The following BLOC1S3 variants were observed in gnomAD, a reference collection of about 807,000 sequenced individuals.
BLOC1S3 encodes biogenesis of lysosomal organelles complex 1 subunit 3.
Under a neutral mutation model 9.1 loss-of-function variants are expected in BLOC1S3, and 7 were observed. The observed-to-expected ratio is 0.77, with a 90% CI of 0.44 to 1.45. The LOEUF (loss-of-function observed/expected upper bound fraction) is 1.45, where lower values mean the gene tolerates loss of function less well. Among genes scored for constraint, BLOC1S3 ranks in the 40% most tolerant of loss-of-function variants. BLOC1S3 has a pLI of 0.01. For synonymous variants in BLOC1S3, 145 were observed against 158.4 expected (o/e 0.92, Z 0.64); for missense variants, 307 against 315.2 (o/e 0.97, Z 0.20).
At chr19:45,206,471 T>G (rs1969728288) in intron 3 of BLOC1S3, among the ~76,000 whole-genome samples, 1 of 143,392 alleles carries the variant, frequency 7.0e-6, no homozygotes. Context: ...TTTTTTTTTT[T>G]TTGAGCAAGG....
chr19:45,186,123 A>G (rs1396433273), downstream of BLOC1S3, among the ~76,000 whole-genome samples: 1 of 152,044 alleles, frequency 6.6e-6, no homozygotes, highest in Non-Finnish European at 1.5e-5. Flanking sequence ...AAAATAAAAA[A>G]AAAGAAACCT....
chr19:45,207,271 T>C (rs1969734144), intron 3 of BLOC1S3, among the ~76,000 whole-genome samples: 1 of 151,484 alleles, frequency 6.6e-6, no homozygotes, highest in African/African-American at 2.4e-5. Flanking sequence ...TAGCTGGGAC[T>C]ACAGGTGCCC....
At chr19:45,182,323 C>G (rs375465820), downstream of BLOC1S3, among the ~76,000 whole-genome samples, 1 of 152,002 alleles carries the variant, frequency 6.6e-6, no homozygotes, top group African/African-American at 2.4e-5. Context: ...TGAAGTGACC[C>G]AAGATCGTGC....
At chr19:45,183,475 CA>C (rs56825766), downstream of BLOC1S3, among the ~76,000 whole-genome samples, 1,715 of 130,128 alleles carry the variant, frequency 0.013, 18 homozygotes, top group African/African-American at 0.038. Context: ...GACTCTGTCT[CA>C]AAAAAAAAAA....
At chr19:45,193,556 A>G (rs1451267463) in intron 2 of BLOC1S3, among the ~76,000 whole-genome samples, 1 of 151,916 alleles carries the variant, frequency 6.6e-6, no homozygotes, top group African/African-American at 2.4e-5. Flanking sequence ...TTTACTATAA[A>G]TAAGCCATAC....
intron 2 of BLOC1S3, among the ~76,000 whole-genome samples, chr19:45,189,696 A>G (rs970612896): frequency 1.4e-5 from 2 of 147,568 alleles, no homozygotes; most frequent in Non-Finnish European, 3.0e-5. Flanking sequence ...CCGCCCGCCC[A>G]AAGTGTTGGG....
chr19:45,193,960 G>A (rs57213483), intron 2 of BLOC1S3, among the ~76,000 whole-genome samples: 5 of 120,704 alleles, frequency 4.1e-5, no homozygotes, highest in Non-Finnish European at 5.1e-5. Flanking sequence ...CCACCACCAC[G>A]CCCAGCTAAT....
At chr19:45,202,284 C>G (rs111282856) in intron 2 of BLOC1S3, 2 of 154,366 alleles carry the variant, frequency 1.3e-5, no homozygotes, top group Non-Finnish European at 2.8e-5. Context: ...TCCCCAGCCA[C>G]GTGGAACTGG....
intron 2 of BLOC1S3, among the ~76,000 whole-genome samples, chr19:45,200,067 G>T (rs1969678696): frequency 6.6e-6 from 1 of 151,754 alleles, no homozygotes; most frequent in Non-Finnish European, 1.5e-5. Context: ...TGCCCGGCCT[G>T]ACTGCATATT....
chr19:45,213,771 C>CCT (rs1323032446), intron 3 of BLOC1S3, among the ~76,000 whole-genome samples: 1 of 151,452 alleles, frequency 6.6e-6, no homozygotes, highest in Non-Finnish European at 1.5e-5. Context: ...ATGGCGAAAC[C>CCT]CTCTCTCTAC....
intron 3 of BLOC1S3, among the ~76,000 whole-genome samples, chr19:45,206,473 T>TTTTTTTTTTTTTTTTTA (rs1969728338): frequency 6.9e-6 from 1 of 144,164 alleles, no homozygotes; most frequent in Non-Finnish European, 1.5e-5. Flanking sequence ...TTTTTTTTTT[T>TTTTTTTTTTTTTTTTTA]GAGCAAGGAT....
intron 3 of BLOC1S3, chr19:45,212,598 CTTTTT>C (rs530736333): frequency 7.2e-5 from 8 of 111,346 alleles, no homozygotes; most frequent in Non-Finnish European, 8.6e-5. Flanking sequence ...TTCCCCCTAC[CTTTTT>C]TTTTTTTTTT....
intron 3 of BLOC1S3, among the ~76,000 whole-genome samples, chr19:45,214,528 G>A (rs937107288): frequency 6.6e-6 from 1 of 151,938 alleles, no homozygotes; most frequent in African/African-American, 2.4e-5. Flanking sequence ...GCAGTGGCGC[G>A]ATCTCAGCTC....
chr19:45,199,919 C>A (rs563848822), intron 2 of BLOC1S3, among the ~76,000 whole-genome samples: 3 of 152,018 alleles, frequency 2.0e-5, no homozygotes, highest in Admixed American at 6.6e-5. Flanking sequence ...GCATGCACCA[C>A]CATGCCCAGC....
chr19:45,198,091 C>T (rs73566275), intron 2 of BLOC1S3, among the ~76,000 whole-genome samples: 9,549 of 152,148 alleles, frequency 0.063, 1,015 homozygotes, highest in African/African-American at 0.22. Flanking sequence ...GTCCCGAACA[C>T]TTGCATCTGT....
intron 3 of BLOC1S3, among the ~76,000 whole-genome samples, chr19:45,206,494 T>C (rs1969728713): frequency 7.9e-6 from 1 of 126,042 alleles, no homozygotes; most frequent in Non-Finnish European, 1.6e-5. Context: ...CTCACTCTTT[T>C]GCCCAGGCTG....
At chr19:45,206,477 C>A in intron 3 of BLOC1S3, among the ~76,000 whole-genome samples, 1 of 18,438 alleles carries the variant, frequency 5.4e-5, no homozygotes, top group East Asian at 1.2e-3. Flanking sequence ...TTTTTTTGAG[C>A]AAGGATCTCA....
intron 2 of BLOC1S3, among the ~76,000 whole-genome samples, chr19:45,201,397 C>G (rs546354310): frequency 1.3e-4 from 20 of 152,142 alleles, no homozygotes; most frequent in Non-Finnish European, 2.1e-4. Context: ...TGGCCACCAC[C>G]ACTGGGACTG....
At chr19:45,192,767 G>A (rs977266107) in intron 2 of BLOC1S3, among the ~76,000 whole-genome samples, 1 of 152,006 alleles carries the variant, frequency 6.6e-6, no homozygotes, top group South Asian at 2.1e-4. Flanking sequence ...GCTATCCTAC[G>A]GTGGCTGAGC....
Sources: gnomAD v4.1 joint callset for allele counts (sites outside exome capture counted in the v4.1 genomes callset) on GRCh38, gnomAD v4.1.1 for gene constraint, MANE v1.5 for transcripts, NCBI Gene and HGNC (gene_info 2026-07-23, HGNC 2026-07-21) for gene names.